CCSER1: variants seen among roughly 807,000 people sequenced by gnomAD.
The protein encoded by CCSER1 is serine-rich coiled-coil domain-containing protein 1.
Under a neutral mutation model 82.0 loss-of-function variants are expected in CCSER1, and 41 were observed. The ratio of observed to expected loss-of-function variants is 0.50; its 90% CI spans 0.39 to 0.65. CCSER1 has a LOEUF of 0.65. Among genes scored for constraint, CCSER1 ranks in the 30% least tolerant of loss-of-function variants. The pLI is 0.00. For synonymous variants in CCSER1, 414 were observed against 383.9 expected, an observed-to-expected ratio of 1.08 and a Z score of -0.92; for missense variants, 1,119 against 1,064.2, an observed-to-expected ratio of 1.05 and a Z score of -0.72.
At chr4:91,410,262 A>G (rs540542252) in intron 10 of CCSER1, among the ~76,000 whole-genome samples, 1 of 152,300 alleles carries the variant, frequency 6.6e-6, no homozygotes, top group East Asian at 1.9e-4. Flanking sequence ...CACTTCTTAT[A>G]TTCAAATCCA....
At position 90,692,035 on chromosome 4, in the gene CCSER1, GTATATATATATATATATATA is replaced by G. The variant is rs60193331; in HGVS notation, c.1933-31863_1933-31844del. On this transcript the variant is annotated intron_variant, in intron 6 of 10. Coordinates refer to ENST00000509176, the MANE Select transcript of CCSER1 (RefSeq NM_001145065.2). ...AATATTCTTTTACAATTCAATGTGT[GTATATATATATATATATATA>G]TATATATATATATATGATAAATACC... is the stretch of plus-strand genomic sequence containing the variant. 6.7e-3 allele frequency among the ~76,000 whole-genome samples: 958 copies of G among 142,746 alleles called. 14 individuals carry two copies. The highest frequency in any genetic ancestry group is 0.023 in the African/African-American group (880 of 38,936). The allele number at this position is 142,746 out of a possible 152,430, so 93.6% of individuals were successfully genotyped here. A position where few individuals can be genotyped will look rare whatever the true frequency, so the allele number is the denominator to read the frequency against.
chr4:91,034,604 A>C (rs1375351675), intron 9 of CCSER1, among the ~76,000 whole-genome samples: 1 of 152,144 alleles, frequency 6.6e-6, no homozygotes, highest in African/African-American at 2.4e-5. Context: ...AAATATTTGT[A>C]TGAGCCTTGG....
intron 9 of CCSER1, among the ~76,000 whole-genome samples, chr4:91,043,248 A>C (rs1322441053): frequency 2.6e-5 from 4 of 152,128 alleles, no homozygotes; most frequent in Non-Finnish European, 2.9e-5. Flanking sequence ...TTATGAAAAT[A>C]ATCATAGAAA....
At chr4:91,057,354 A>G (rs1581441617) in intron 9 of CCSER1, among the ~76,000 whole-genome samples, 1 of 152,218 alleles carries the variant, frequency 6.6e-6, no homozygotes, top group East Asian at 1.9e-4. Flanking sequence ...TCTCAGTGTA[A>G]TTGTTGTCTG....
intron 10 of CCSER1, among the ~76,000 whole-genome samples, chr4:91,353,472 G>A (rs2149302699): frequency 6.6e-6 from 1 of 152,334 alleles, no homozygotes; most frequent in East Asian, 1.9e-4. Context: ...GGCAGGCCCA[G>A]GCCTGGTTTT....
At chr4:90,521,324 T>G (rs957052482) in intron 5 of CCSER1, among the ~76,000 whole-genome samples, 1 of 152,228 alleles carries the variant, frequency 6.6e-6, no homozygotes, top group Admixed American at 6.5e-5. Flanking sequence ...ATGAATGTGG[T>G]TATGACAGTG....
At chr4:90,785,962 A>G (rs1406201208) in intron 7 of CCSER1, among the ~76,000 whole-genome samples, 1 of 152,190 alleles carries the variant, frequency 6.6e-6, no homozygotes, top group Non-Finnish European at 1.5e-5. Flanking sequence ...TGTGGAGCTG[A>G]GAGGTACTTA....
At chr4:91,563,867 A>T (rs937201401) in intron 10 of CCSER1, among the ~76,000 whole-genome samples, 1 of 151,850 alleles carries the variant, frequency 6.6e-6, no homozygotes, top group East Asian at 1.9e-4. Context: ...CAAAATAAGC[A>T]TACAAAGTTA....
At chr4:90,875,032 C>T (rs1457108789) in intron 8 of CCSER1, among the ~76,000 whole-genome samples, 3 of 152,026 alleles carry the variant, frequency 2.0e-5, no homozygotes, top group African/African-American at 7.2e-5. Context: ...GGCTACAGAG[C>T]GAGACTCCAT....
intron 7 of CCSER1, among the ~76,000 whole-genome samples, chr4:90,728,172 C>T (rs572752797): frequency 6.6e-6 from 1 of 152,278 alleles, no homozygotes; most frequent in South Asian, 2.1e-4. Flanking sequence ...ATGGCACCAC[C>T]CTCTCCAAGG....
At chr4:91,460,986 T>C (rs1311283013) in intron 10 of CCSER1, among the ~76,000 whole-genome samples, 1 of 152,214 alleles carries the variant, frequency 6.6e-6, no homozygotes, top group East Asian at 1.9e-4. Flanking sequence ...ATGACTTTTA[T>C]GACTTTTAGA....
At chr4:90,571,694 T>C (rs1780134788) in intron 5 of CCSER1, among the ~76,000 whole-genome samples, 1 of 152,092 alleles carries the variant, frequency 6.6e-6, no homozygotes, top group Admixed American at 6.5e-5. Context: ...AATCTTGGTT[T>C]CATGTAATAT....
rs1367910857 is a variant in CCSER1, at chr4:90,978,766, T to C, written c.2172+55319T>C. On this transcript the variant is annotated intron_variant, in intron 9 of 10. Transcript: ENST00000509176. Reference sequence around the variant, plus strand: ...GTGAAGTTTATATGTTTTGTATGCATGGTTTGTGAAGAAGTCATTGATGGG... The same window carrying C: ...GTGAAGTTTATATGTTTTGTATGCACGGTTTGTGAAGAAGTCATTGATGGG... Among the ~76,000 whole-genome samples the C allele has an allele frequency of 4.6e-5, 7 of 151,858 alleles. No individual in the cohort carries two copies. In the East Asian group the frequency reaches 1.4e-3, roughly 30 times the overall value.
At chr4:90,919,052 T>C (rs1022300525) in intron 8 of CCSER1, among the ~76,000 whole-genome samples, 2 of 139,580 alleles carry the variant, frequency 1.4e-5, no homozygotes, top group African/African-American at 2.7e-5. Context: ...AGGAAATACA[T>C]TGGTAAATCT....
chr4:91,033,116 A>G (rs537792304), intron 9 of CCSER1, among the ~76,000 whole-genome samples: 22 of 152,324 alleles, frequency 1.4e-4, no homozygotes, highest in Admixed American at 7.2e-4. Context: ...TGGAAACTGT[A>G]AGTAATACTA....
intron 1 of CCSER1, among the ~76,000 whole-genome samples, chr4:90,159,327 G>A (rs1363417734): frequency 6.6e-6 from 1 of 152,132 alleles, no homozygotes; most frequent in Non-Finnish European, 1.5e-5. Flanking sequence ...TTAAAGGCAT[G>A]AACCACCATG....
intron 6 of CCSER1, among the ~76,000 whole-genome samples, chr4:90,700,737 C>T (rs1737908225): frequency 6.6e-6 from 1 of 152,198 alleles, no homozygotes; most frequent in African/African-American, 2.4e-5. Context: ...CTCTGATGAC[C>T]AGTGATGATG....
chr4:90,703,283 T>C (rs1437133131), intron 6 of CCSER1, among the ~76,000 whole-genome samples: 6 of 152,246 alleles, frequency 3.9e-5, no homozygotes, highest in Non-Finnish European at 8.8e-5. Context: ...TTGAGAAGTT[T>C]TGAGTGACTT....
chr4:90,745,930 G>A (rs1053722579), intron 7 of CCSER1, among the ~76,000 whole-genome samples: 1 of 151,834 alleles, frequency 6.6e-6, no homozygotes, highest in African/African-American at 2.4e-5. Flanking sequence ...TTGATCTCCT[G>A]ACCTCGTGAT....
Sources: gnomAD v4.1 joint callset for allele counts (sites outside exome capture counted in the v4.1 genomes callset) on GRCh38, gnomAD v4.1.1 for gene constraint, MANE v1.5 for transcripts, NCBI Gene and HGNC (gene_info 2026-07-23, HGNC 2026-07-21) for gene names.